DCDC1: variants seen among roughly 807,000 people sequenced by gnomAD.
DCDC1 encodes the protein doublecortin domain-containing protein 1.
Under a neutral mutation model 178.3 loss-of-function variants are expected in DCDC1, and 200 were observed. The ratio of observed to expected loss-of-function variants is 1.12; its 90% CI spans 1.00 to 1.26. DCDC1 has a LOEUF of 1.26. Among genes scored for constraint, DCDC1 ranks in the 50% most tolerant of loss-of-function variants. The pLI is 0.00. For synonymous variants in DCDC1, 690 were observed against 604.8 expected, an observed-to-expected ratio of 1.14 and a Z score of -2.07; for missense variants, 1,983 against 1,749.2, an observed-to-expected ratio of 1.13 and a Z score of -2.38.
chr11:31,035,125 C>A (rs897385583), intron 20 of DCDC1, among the ~76,000 whole-genome samples: 2 of 152,142 alleles, frequency 1.3e-5, no homozygotes, highest in African/African-American at 2.4e-5. Flanking sequence ...ATTTTGAACT[C>A]TTTATTTGGA....
At chr11:31,225,284 T>C (rs971300147) in intron 9 of DCDC1, among the ~76,000 whole-genome samples, 1 of 150,640 alleles carries the variant, frequency 6.6e-6, no homozygotes, top group African/African-American at 2.4e-5. Flanking sequence ...GAAAACTAAA[T>C]ATTTTACATT....
At chr11:31,299,958 AGCAAT>A (rs1328093582) in intron 6 of DCDC1, among the ~76,000 whole-genome samples, 1 of 152,148 alleles carries the variant, frequency 6.6e-6, no homozygotes, top group East Asian at 1.9e-4. Context: ...CACGGGTTCA[AGCAAT>A]TCTCCTGCCT....
intron 9 of DCDC1, 75 bp downstream of exon 9, chr11:31,241,375 C>T (rs566141078): frequency 5.3e-5 from 21 of 392,836 alleles, no homozygotes; most frequent in African/African-American, 4.1e-4. Flanking sequence ...GACACAAAGC[C>T]AATCATTGCC....
intron 9 of DCDC1, among the ~76,000 whole-genome samples, chr11:31,185,125 T>C (rs1969318019): frequency 6.6e-6 from 1 of 152,204 alleles, no homozygotes; most frequent in African/African-American, 2.4e-5. Context: ...TGGATAAAGC[T>C]GGAAACCATC....
chr11:31,290,094 G>A (rs1385398288), intron 7 of DCDC1, among the ~76,000 whole-genome samples: 1 of 151,918 alleles, frequency 6.6e-6, no homozygotes, highest in Non-Finnish European at 1.5e-5. Flanking sequence ...GCATTTGTAT[G>A]ACAAGTAATA....
rs1945882108 is a variant in DCDC1 at position 30,916,924 on chromosome 11, G to A, written c.3398C>T (p.Pro1133Leu). The A allele has an allele frequency of 1.2e-6, 2 of 1,609,078 alleles. No homozygotes were observed. Among genetic ancestry groups the A allele is most frequent in the East Asian group, 4.5e-5 (2 of 44,754 alleles). ...SHDFDEDDSL[P>L]KKTEKGLFEN... ...AAAGAGCCCTTTTTCCGTTTTCTTT[G>A]GAAGACTGTCATCCTCATCAAAGTC... Residue 1133 changes from proline (P) to leucine (L), a missense_variant, in exon 26 of 39, where the codon CCA (proline) becomes CTA (leucine). By Grantham distance (98) the Pro-to-Leu change is moderately conservative. Transcript: ENST00000684477.
At chr11:31,004,798 C>T (rs1307307804) in intron 20 of DCDC1, among the ~76,000 whole-genome samples, 1 of 151,860 alleles carries the variant, frequency 6.6e-6, no homozygotes, top group Non-Finnish European at 1.5e-5. Flanking sequence ...CCCTGTGCCT[C>T]GGTTCAGTTT....
intron 20 of DCDC1, among the ~76,000 whole-genome samples, chr11:30,971,562 C>G (rs188812002): frequency 3.9e-4 from 57 of 146,596 alleles, no homozygotes; most frequent in African/African-American, 1.4e-3. Flanking sequence ...AAGAGTATGT[C>G]ATGTAGAAGA....
chr11:31,346,454 A>ACT (rs1197021434), intron 1 of DCDC1, among the ~76,000 whole-genome samples: 1 of 130,142 alleles, frequency 7.7e-6, no homozygotes, highest in Non-Finnish European at 1.6e-5. Context: ...ACAGAAGGAG[A>ACT]CTCCGTCTCA....
At chr11:30,933,082 T>C (rs1291858647) in intron 21 of DCDC1, among the ~76,000 whole-genome samples, 1 of 152,124 alleles carries the variant, frequency 6.6e-6, no homozygotes, top group Non-Finnish European at 1.5e-5. Flanking sequence ...CACTACTGCA[T>C]GTAAGTGTAG....
At chr11:30,969,604 A>G (rs946930186) in intron 20 of DCDC1, among the ~76,000 whole-genome samples, 4 of 152,240 alleles carry the variant, frequency 2.6e-5, no homozygotes, top group African/African-American at 7.2e-5. Flanking sequence ...TAATTTCAAA[A>G]TAAGTTATAA....
At chr11:31,027,596 T>C (rs1316257878) in intron 20 of DCDC1, among the ~76,000 whole-genome samples, 2 of 151,848 alleles carry the variant, frequency 1.3e-5, no homozygotes, top group Non-Finnish European at 3.0e-5. Flanking sequence ...TTGAATAATA[T>C]TAGCCAAAAA....
intron 20 of DCDC1, among the ~76,000 whole-genome samples, chr11:30,960,661 A>T (rs1949041091): frequency 6.6e-6 from 1 of 152,034 alleles, no homozygotes; most frequent in Non-Finnish European, 1.5e-5. Context: ...TCTATTTAAT[A>T]TTTCCATGTT....
intron 20 of DCDC1, among the ~76,000 whole-genome samples, chr11:30,957,036 C>G (rs1948809959): frequency 6.6e-6 from 1 of 152,188 alleles, no homozygotes. Context: ...ATCTACCCAG[C>G]TCCCTACCTC....
chr11:31,244,044 C>T (rs1977519842), intron 8 of DCDC1, among the ~76,000 whole-genome samples: 1 of 151,634 alleles, frequency 6.6e-6, no homozygotes, highest in African/African-American at 2.4e-5. Flanking sequence ...AACAATGTTT[C>T]CACTAACTAG....
At chr11:31,044,383 A>G (rs1203003439) in intron 20 of DCDC1, among the ~76,000 whole-genome samples, 1 of 150,820 alleles carries the variant, frequency 6.6e-6, no homozygotes, top group East Asian at 2.0e-4. Flanking sequence ...AGGCTGAGGC[A>G]GGAGAATGGG....
At chr11:31,244,931 C>T (rs1977644604) in intron 8 of DCDC1, among the ~76,000 whole-genome samples, 1 of 151,690 alleles carries the variant, frequency 6.6e-6, no homozygotes, top group South Asian at 2.1e-4. Flanking sequence ...AGTAACTCCA[C>T]TGGACAGAGC....
intron 9 of DCDC1, among the ~76,000 whole-genome samples, chr11:31,199,604 A>G (rs1457682690): frequency 3.9e-5 from 6 of 152,088 alleles, no homozygotes; most frequent in Admixed American, 1.3e-4. Flanking sequence ...TGATCCTGAC[A>G]TCTGTGTCTT....
chr11:30,897,140 G>A (rs999368106), intron 34 of DCDC1, among the ~76,000 whole-genome samples: 3 of 152,112 alleles, frequency 2.0e-5, no homozygotes, highest in Admixed American at 2.0e-4. Context: ...TTTAATAGCA[G>A]AAAACATACC....
Sources: gnomAD v4.1 joint callset for allele counts (sites outside exome capture counted in the v4.1 genomes callset) on GRCh38, gnomAD v4.1.1 for gene constraint, MANE v1.5 for transcripts, NCBI Gene and HGNC (gene_info 2026-07-23, HGNC 2026-07-21) for gene names.